Variants in TFAP2E observed in about 807,000 individuals in gnomAD.
TFAP2E encodes the protein transcription factor AP-2-epsilon.
TFAP2E carries 30 observed loss-of-function variants against 37.9 expected under a neutral mutation model. The ratio of observed to expected loss-of-function variants is 0.79; its 90% CI spans 0.59 to 1.07. TFAP2E has a LOEUF of 1.07. Among genes scored for constraint, TFAP2E ranks in the 50% least tolerant of loss-of-function variants. The pLI, the probability that TFAP2E is intolerant of heterozygous loss-of-function variation, is 0.00. For synonymous variants in TFAP2E, 318 were observed against 295.8 expected (o/e 1.08, Z -0.77); for missense variants, 567 against 637.9 (o/e 0.89, Z 1.20).
intron 2 of TFAP2E, 103 bp from the exon 3 acceptor site, chr1:35,574,846 C>A: frequency 6.6e-7 from 1 of 1,515,530 alleles, no homozygotes; most frequent in Non-Finnish European, 9.1e-7. Context: ...GAAGCTGGTG[C>A]GCCTTGGGCG....
intron 3 of TFAP2E, among the ~76,000 whole-genome samples, chr1:35,575,715 T>C (rs1214970970): frequency 2.0e-5 from 3 of 152,228 alleles, no homozygotes; most frequent in African/African-American, 7.2e-5. Context: ...TGCATTTCTC[T>C]GCATTTGGGG....
intron 3 of TFAP2E, among the ~76,000 whole-genome samples, chr1:35,576,671 C>G (rs889368277): frequency 3.9e-5 from 6 of 152,216 alleles, no homozygotes; most frequent in African/African-American, 1.4e-4. Flanking sequence ...AGCACCTTAA[C>G]CCGGAACCCC....
At chr1:35,576,553 G>A (rs937699980) in intron 3 of TFAP2E, among the ~76,000 whole-genome samples, 28 of 152,126 alleles carry the variant, frequency 1.8e-4, no homozygotes, top group African/African-American at 6.8e-4. Context: ...CAAGAGACTG[G>A]GAGTCTAGGT....
At chr1:35,575,074 C>A in intron 3 of TFAP2E, 74 bp downstream of exon 3, 1 of 1,583,322 alleles carries the variant, frequency 6.3e-7, no homozygotes, top group Non-Finnish European at 8.7e-7. Context: ...ATTTTCTTCA[C>A]CGGCCGTGCC....
chr1:35,593,343 CTG>C (rs1184858485), intron 6 of TFAP2E, among the ~76,000 whole-genome samples: 2 of 152,174 alleles, frequency 1.3e-5, no homozygotes, highest in African/African-American at 2.4e-5. Context: ...AGAGATAAAT[CTG>C]AGAACTACCA....
At position 35,588,337 on chromosome 1, in the gene TFAP2E, C is replaced by T; in HGVS notation, c.570C>T (p.Ile190=). 2 of 1,612,036 alleles carry T rather than the reference C, an allele frequency of 1.2e-6. No individual in the cohort carries two copies. The highest frequency in any genetic ancestry group is 2.7e-5 in the African/African-American group (2 of 75,050). Residue 190 remains isoleucine (I), a synonymous_variant, in exon 4 of 7, where the codon ATC becomes ATT. Coordinates refer to ENST00000373235, the MANE Select transcript of TFAP2E (RefSeq NM_178548.4). The surrounding 1 kb of genome is among the most constrained non-coding windows in gnomAD (Gnocchi z 5.1). Reference sequence around the variant, plus strand: ...TTTCCCTCTTCTCCACAGTGCCCATCCCCTCCAAAGCCAGCAGCCTCTCAG... The same window carrying T: ...TTTCCCTCTTCTCCACAGTGCCCATTCCCTCCAAAGCCAGCAGCCTCTCAG... ...LDQSVIKKVP[I]PSKASSLSAL... is the part of the protein sequence containing the mutation.
chr1:35,574,788 A>T, intron 2 of TFAP2E, 161 bp from the exon 3 acceptor site: 1 of 883,554 alleles, frequency 1.1e-6, no homozygotes, highest in Non-Finnish European at 1.8e-6. Flanking sequence ...GCTCCAGCTC[A>T]GTGCCTGGAC....
chr1:35,579,537 G>A (rs1649286353), intron 3 of TFAP2E, among the ~76,000 whole-genome samples: 1 of 151,974 alleles, frequency 6.6e-6, no homozygotes, highest in African/African-American at 2.4e-5. Flanking sequence ...TGGGATTACA[G>A]GTACCTGTCA....
At position 35,574,273 on chromosome 1, in the gene TFAP2E, G is replaced by A. The variant is rs766642606; in HGVS notation, c.374G>A (p.Gly125Asp). Reference sequence around the variant, plus strand: ...CTGGCACCGCCCGCCCGCGCCCTGGGCCTTGACCCGCGCCGTGACTATGCC... The same window carrying A: ...CTGGCACCGCCCGCCCGCGCCCTGGACCTTGACCCGCGCCGTGACTATGCC... ...GLLAPPARAL[G>D]LDPRRDYATA... is the part of the protein sequence containing the mutation. Residue 125 changes from glycine (G) to aspartate (D), a missense_variant, in exon 2 of 7, where the codon GGC becomes GAC. Coordinates refer to ENST00000373235, the MANE Select transcript of TFAP2E (RefSeq NM_178548.4). The A allele has an allele frequency of 2.8e-6, 4 of 1,404,300 alleles. No individual in the cohort carries two copies. The highest frequency in any genetic ancestry group is 2.6e-4 in the Middle Eastern group (1 of 3,864). The allele number at this position is 1,404,300 out of a possible 1,614,324, so 87.0% of individuals were successfully genotyped here. A position where few individuals can be genotyped will look rare whatever the true frequency, so the allele number is the denominator to read the frequency against.
rs111338925 is a variant in TFAP2E at position 35,573,623 on chromosome 1, G to A, written c.27+19G>A. On this transcript the variant is annotated intron_variant, in intron 1 of 6. Coordinates refer to ENST00000373235, the MANE Select transcript of TFAP2E (RefSeq NM_178548.4). This position sits in a 1 kb window ranked among gnomAD's most constrained non-coding sequence, Gnocchi z 5.9. ...CGCCATGGTGAGTAGTCTCGGGCCC[G>A]GGACATATTCGGCCGGGGGATCGGG... is the stretch of plus-strand genomic sequence containing the variant. 1 of 1,538,746 alleles carries A rather than the reference G, an allele frequency of 6.5e-7. No individual in the cohort carries two copies. Among genetic ancestry groups the A allele is most frequent in the Non-Finnish European group, 8.8e-7 (1 of 1,142,728 alleles).
At chr1:35,593,035 T>C (rs1004003401) in intron 6 of TFAP2E, among the ~76,000 whole-genome samples, 11 of 150,958 alleles carry the variant, frequency 7.3e-5, no homozygotes, top group African/African-American at 2.7e-4. Flanking sequence ...AGGAGGGGGA[T>C]AGAGAAAGAG....
Position 35,574,136 on chromosome 1 carries a change from G to C in TFAP2E, c.237G>C (p.Leu79=). ...ACGCCGCCGCAGCCTTTCCCCACCT[G>C]GCAGGGGACCCATATGGCGGCCTGG... The part of the protein sequence containing the change: ...APDAAAAFPH[L]AGDPYGGLAP... Residue 79 remains leucine (L), a synonymous_variant, in exon 2 of 7, where the codon CTG becomes CTC. Coordinates refer to ENST00000373235, the MANE Select transcript of TFAP2E (RefSeq NM_178548.4). 3 of 1,450,520 alleles carry C rather than the reference G, an allele frequency of 2.1e-6. No individual in the cohort carries two copies. The highest frequency in any genetic ancestry group is 2.7e-6 in the Non-Finnish European group (3 of 1,102,850). 89.9% of individuals were successfully genotyped at this position (1,450,520 alleles called of 1,614,324 possible). A position where few individuals can be genotyped will look rare whatever the true frequency, so the allele number is the denominator to read the frequency against.
intron 3 of TFAP2E, among the ~76,000 whole-genome samples, chr1:35,578,428 GAA>G (rs58170344): frequency 7.6e-6 from 1 of 132,234 alleles, no homozygotes; most frequent in African/African-American, 2.8e-5. Context: ...CTCCGTCTCG[GAA>G]AAAAAAAAAA....
chr1:35,573,556 C>T lies in TFAP2E; in HGVS notation c.-22C>T, dbSNP rs767669682. 1 of 1,515,914 alleles carries T rather than the reference C, an allele frequency of 6.6e-7. No homozygotes were observed. 93.9% of individuals were successfully genotyped at this position (1,515,914 alleles called of 1,614,324 possible). A position where few individuals can be genotyped will look rare whatever the true frequency, so the allele number is the denominator to read the frequency against. On this transcript the variant is annotated 5_prime_UTR_variant, in exon 1 of 7. Coordinates refer to ENST00000373235, the MANE Select transcript of TFAP2E (RefSeq NM_178548.4). The surrounding 1 kb of genome is among the most constrained non-coding windows in gnomAD (Gnocchi z 5.9). ...CTAGGGCTCCGCCGCCGCCACGCCT[C>T]GCGCCCGGCACTCACCGCCCCATGC...
intron 3 of TFAP2E, among the ~76,000 whole-genome samples, chr1:35,576,433 C>A (rs1649171655): frequency 6.6e-6 from 1 of 152,110 alleles, no homozygotes; most frequent in South Asian, 2.1e-4. Context: ...CCTTTCTTGA[C>A]CCCTGAAGAA....
At position 35,590,508 on chromosome 1, in the gene TFAP2E, C is replaced by A. The variant is rs1399194598; in HGVS notation, c.905-126C>A. 4 of 1,155,804 alleles carry A rather than the reference C, an allele frequency of 3.5e-6. No homozygotes were observed. The highest frequency in any genetic ancestry group is 3.4e-6 in the Non-Finnish European group (3 of 876,704). The allele number at this position is 1,155,804 out of a possible 1,614,324, so 71.6% of individuals were successfully genotyped here. On this transcript the variant is annotated intron_variant, in intron 5 of 6. Coordinates refer to ENST00000373235, the MANE Select transcript of TFAP2E (RefSeq NM_178548.4). This position sits in a 1 kb window ranked among gnomAD's most constrained non-coding sequence, Gnocchi z 6.2. ...GGGCTGGAGCTGGGCTGGGAAGGAA[C>A]ATCAGAGGGGGCATCTACACAGGCA... is the stretch of plus-strand genomic sequence containing the variant.
Position 35,588,274 on chromosome 1 carries a change from C to A in TFAP2E, c.563-56C>A. The A allele has an allele frequency of 6.5e-7, 1 of 1,529,220 alleles. No individual in the cohort carries two copies. The highest frequency in any genetic ancestry group is 8.9e-7 in the Non-Finnish European group (1 of 1,128,182). 94.7% of individuals were successfully genotyped at this position (1,529,220 alleles called of 1,614,324 possible). A position where few individuals can be genotyped will look rare whatever the true frequency, so the allele number is the denominator to read the frequency against. On this transcript the variant is annotated intron_variant, in intron 3 of 6. Coordinates refer to ENST00000373235, the MANE Select transcript of TFAP2E (RefSeq NM_178548.4). This position sits in a 1 kb window ranked among gnomAD's most constrained non-coding sequence, Gnocchi z 5.1. ...ATAAAGCAAGGATACCAGACCCTCCCTTGAGTGGGGCTGTGTGCGGCAGCC... is the reference window on the plus strand; with the variant it reads ...ATAAAGCAAGGATACCAGACCCTCCATTGAGTGGGGCTGTGTGCGGCAGCC...
chr1:35,579,551 C>T (rs975655475), intron 3 of TFAP2E, among the ~76,000 whole-genome samples: 49 of 152,056 alleles, frequency 3.2e-4, no homozygotes, highest in Non-Finnish European at 4.9e-4. Flanking sequence ...CCTGTCACCA[C>T]GCCCAGCTAA....
chr1:35,591,081 T>C (rs1444035048), intron 6 of TFAP2E, among the ~76,000 whole-genome samples: 1 of 152,112 alleles, frequency 6.6e-6, no homozygotes, highest in African/African-American at 2.4e-5. Flanking sequence ...GCACCACACA[T>C]GGGCACACCT....
Sources: allele counts gnomAD v4.1 joint callset (sites outside exome capture counted in the v4.1 genomes callset), GRCh38; gene constraint gnomAD v4.1.1; non-coding constraint Gnocchi (gnomAD v3.1); transcripts MANE v1.5; gene names NCBI Gene and HGNC (gene_info 2026-07-23, HGNC 2026-07-21).